The following ELMO1 variants were observed in gnomAD, a reference collection of about 807,000 sequenced individuals.
ELMO1 encodes the protein engulfment and cell motility 1, also known as engulfment and cell motility protein 1.
Under a neutral mutation model 98.9 loss-of-function variants are expected in ELMO1, and 26 were observed. The observed-to-expected ratio is 0.26, with a 90% CI of 0.19 to 0.36. The LOEUF is 0.36. Among genes scored for constraint, ELMO1 ranks in the 10% least tolerant of loss-of-function variants. ELMO1 has a pLI of 1.00. For synonymous variants in ELMO1, 346 were observed against 346.0 expected (o/e 1.00, Z 0.00); for missense variants, 627 against 935.2 (o/e 0.67, Z 4.30).
rs1442816438 is a variant in ELMO1 at position 37,412,401 on chromosome 7, T to C, written c.-74+36274A>G. Among the ~76,000 whole-genome samples the C allele has an allele frequency of 5.3e-5, 8 of 152,350 alleles. No individual in the cohort carries two copies. In the East Asian group the frequency reaches 1.5e-3, roughly 29 times the overall value. On this transcript the variant is annotated intron_variant, in intron 1 of 21. Coordinates refer to ENST00000310758, the MANE Select transcript of ELMO1 (RefSeq NM_014800.11). Reference sequence around the variant, plus strand: ...TTATCTGTCTTCTATAGGAGGCTTCTGTGGTAAGATGTCTCTTGGATAAAT... The same window carrying C: ...TTATCTGTCTTCTATAGGAGGCTTCCGTGGTAAGATGTCTCTTGGATAAAT...
At chr7:36,991,295 T>C (rs1182770668) in intron 16 of ELMO1, among the ~76,000 whole-genome samples, 1 of 152,114 alleles carries the variant, frequency 6.6e-6, no homozygotes, top group African/African-American at 2.4e-5. Context: ...TAAAACACAC[T>C]GATATCGTTT....
chr7:37,186,051 C>T (rs1004179881), intron 13 of ELMO1, among the ~76,000 whole-genome samples: 4 of 152,212 alleles, frequency 2.6e-5, no homozygotes, highest in African/African-American at 9.6e-5. Flanking sequence ...CACACACTTT[C>T]TGATTTCAAA....
At chr7:37,291,229 G>T (rs2392489) in intron 4 of ELMO1, among the ~76,000 whole-genome samples, 75,243 of 151,992 alleles carry the variant, frequency 0.5, 19,053 homozygotes, top group East Asian at 0.7. Context: ...ATAGATTGAT[G>T]ACCTATATGA....
rs375465753 is a variant in ELMO1 at position 37,063,839 on chromosome 7, A to AGTACCACT, written c.1300+32772_1300+32779dup. ...TCCTCTCCTACCTCCTTAAGTAGTA[A>AGTACCACT]GTACCACTGCTGTAGTTCTTCAACC... On this transcript the variant is annotated intron_variant, in intron 15 of 21. Coordinates refer to ENST00000310758, the MANE Select transcript of ELMO1 (RefSeq NM_014800.11). Among the ~76,000 whole-genome samples, 279 of 152,316 alleles carry AGTACCACT rather than the reference A, an allele frequency of 1.8e-3. 1 individual carries two copies. Among genetic ancestry groups the AGTACCACT allele is most frequent in the African/African-American group, 5.1e-3 (214 of 41,580 alleles).
chr7:36,878,610 C>T (rs1185246627), intron 18 of ELMO1, among the ~76,000 whole-genome samples: 4 of 152,180 alleles, frequency 2.6e-5, no homozygotes, highest in Non-Finnish European at 4.4e-5. Context: ...ACCACACGCA[C>T]ATTAATCATG....
At chr7:37,389,005 C>T (rs1477483542) in intron 1 of ELMO1, among the ~76,000 whole-genome samples, 1 of 152,218 alleles carries the variant, frequency 6.6e-6, no homozygotes, top group East Asian at 1.9e-4. Context: ...ATTCCCTGAA[C>T]ATGGGAACCA....
At chr7:37,016,634 A>G (rs1793951372) in intron 15 of ELMO1, among the ~76,000 whole-genome samples, 1 of 152,224 alleles carries the variant, frequency 6.6e-6, no homozygotes. Flanking sequence ...GTGCGTAGCC[A>G]GTGCCTGCTG....
intron 13 of ELMO1, among the ~76,000 whole-genome samples, chr7:37,164,133 C>T (rs1789452212): frequency 6.6e-6 from 1 of 152,158 alleles, no homozygotes; most frequent in Non-Finnish European, 1.5e-5. Flanking sequence ...GCATAAATGT[C>T]TTCTTTTGAG....
intron 15 of ELMO1, among the ~76,000 whole-genome samples, chr7:37,072,354 C>A: frequency 6.6e-6 from 1 of 152,162 alleles, no homozygotes. Context: ...ATAAGATCGG[C>A]TGGTTTTAAA....
chr7:36,964,420 A>G (rs1178678998), intron 16 of ELMO1, among the ~76,000 whole-genome samples: 1 of 152,244 alleles, frequency 6.6e-6, no homozygotes, highest in East Asian at 1.9e-4. Flanking sequence ...TAAATACTAT[A>G]CTGAAAGTAA....
At chr7:37,364,810 A>G (rs1801836125) in intron 1 of ELMO1, among the ~76,000 whole-genome samples, 1 of 152,222 alleles carries the variant, frequency 6.6e-6, no homozygotes, top group African/African-American at 2.4e-5. Context: ...TAACACAAAA[A>G]GTGAATCCTA....
At chr7:37,253,335 C>T (rs1181947055) in intron 6 of ELMO1, among the ~76,000 whole-genome samples, 2 of 152,126 alleles carry the variant, frequency 1.3e-5, no homozygotes, top group African/African-American at 4.8e-5. Flanking sequence ...CCCAAATGTC[C>T]ATCAATGATA....
intron 8 of ELMO1, 59 bp downstream of exon 8, chr7:37,233,036 G>C: frequency 7.1e-7 from 1 of 1,411,158 alleles, no homozygotes. Flanking sequence ...TCAAAGCAGA[G>C]AAAAATAGCT....
chr7:37,305,464 G>GTGTGTT (rs1798564874), intron 4 of ELMO1, among the ~76,000 whole-genome samples: 1 of 152,002 alleles, frequency 6.6e-6, no homozygotes, highest in Non-Finnish European at 1.5e-5. Context: ...GTGTGTGTGT[G>GTGTGTT]TGTGTATGTG....
intron 13 of ELMO1, among the ~76,000 whole-genome samples, chr7:37,171,483 ATTTTTTTTTT>A (rs71780142): frequency 1.9e-4 from 16 of 82,914 alleles, no homozygotes; most frequent in Admixed American, 1.4e-3. Context: ...AGGCCTTTCT[ATTTTTTTTTT>A]TTTTTTTTTT....
At position 36,974,875 on chromosome 7, in the gene ELMO1, C is replaced by T. The variant is rs182355709; in HGVS notation, c.1437+38424G>A. Among the ~76,000 whole-genome samples the T allele has an allele frequency of 2.7e-3, 404 of 152,042 alleles. 3 individuals carry two copies. The highest frequency in any genetic ancestry group is 3.3e-3 in the Admixed American group (51 of 15,280). ...TGAGCCCACCGGGAAGAATGAACAACTCCAGAAGCGCCACCTTAAGAGCTG... is the reference window on the plus strand; with the variant it reads ...TGAGCCCACCGGGAAGAATGAACAATTCCAGAAGCGCCACCTTAAGAGCTG... On this transcript the variant is annotated intron_variant, in intron 16 of 21. Transcript: ENST00000310758.
At chr7:37,066,241 CAT>C (rs1796955882) in intron 15 of ELMO1, among the ~76,000 whole-genome samples, 2 of 152,064 alleles carry the variant, frequency 1.3e-5, no homozygotes, top group Non-Finnish European at 2.9e-5. Flanking sequence ...GTCACAACCA[CAT>C]GAGGAAGAGA....
At chr7:36,948,920 A>G (rs962600873) in intron 16 of ELMO1, among the ~76,000 whole-genome samples, 1 of 152,092 alleles carries the variant, frequency 6.6e-6, no homozygotes, top group African/African-American at 2.4e-5. Context: ...CAATGGTACG[A>G]TCTTGGCTCA....
At chr7:37,054,679 A>T (rs1796298974) in intron 15 of ELMO1, among the ~76,000 whole-genome samples, 1 of 152,220 alleles carries the variant, frequency 6.6e-6, no homozygotes, top group South Asian at 2.1e-4. Flanking sequence ...AATGTATATG[A>T]GAGATCTGTC....
Sources: gnomAD v4.1 joint callset for allele counts (sites outside exome capture counted in the v4.1 genomes callset) on GRCh38, gnomAD v4.1.1 for gene constraint, MANE v1.5 for transcripts, NCBI Gene and HGNC (gene_info 2026-07-23, HGNC 2026-07-21) for gene names.